Variants in MZT2B observed in about 807,000 individuals in gnomAD.
MZT2B encodes mitotic spindle organizing protein 2B, also known as mitotic-spindle organizing protein 2B.
MZT2B carries 11 observed loss-of-function variants against 12.1 expected under a neutral mutation model. The ratio of observed to expected loss-of-function variants is 0.91; its 90% CI spans 0.57 to 1.50. MZT2B has a LOEUF of 1.50. Ranked by LOEUF, MZT2B falls within the 40% of genes most tolerant of loss-of-function variation. MZT2B has a pLI of 0.00. For missense variants in MZT2B, 209 were observed against 227.7 expected (o/e 0.92, Z 0.53); for synonymous variants, 85 against 109.5 (o/e 0.78, Z 1.40).
intron 2 of MZT2B, chr2:130,183,102 G>C: frequency 2.1e-6 from 1 of 482,572 alleles, no homozygotes; most frequent in Non-Finnish European, 3.7e-6. Flanking sequence ...GGGCGCCCTG[G>C]CTCACGCCTA....
chr2:130,204,271 G>A, the MZT2B span: 1 of 574,072 alleles, frequency 1.7e-6, no homozygotes, highest in Non-Finnish European at 3.0e-6. Context: ...GGAGCTCAAT[G>A]AGCTCATGGC....
At chr2:130,184,120 G>A (rs1689953751) in intron 2 of MZT2B, 1 of 1,522,698 alleles carries the variant, frequency 6.6e-7, no homozygotes, top group Non-Finnish European at 8.8e-7. Flanking sequence ...CACGATTTCT[G>A]ACTCGGTTTA....
chr2:130,183,745 T>G, intron 2 of MZT2B: 1 of 1,550,372 alleles, frequency 6.5e-7, no homozygotes, highest in Non-Finnish European at 8.7e-7. Flanking sequence ...TTCACTGACC[T>G]TCGCTCTGTC....
At chr2:130,201,594 G>A in the MZT2B span, among the ~76,000 whole-genome samples, 5 of 152,132 alleles carry the variant, frequency 3.3e-5, no homozygotes, top group African/African-American at 1.2e-4. Context: ...TGGCGGGGGG[G>A]GACACCATTC....
intron 2 of MZT2B, among the ~76,000 whole-genome samples, chr2:130,190,258 G>T (rs1216822866): frequency 1.3e-5 from 2 of 152,196 alleles, no homozygotes; most frequent in African/African-American, 4.8e-5. Context: ...ACATCCAAAA[G>T]GGTCCCCTGC....
In MZT2B at chr2:130,190,401, C is replaced by T. The variant is rs551309401; in HGVS notation, c.320-68C>T. ...AGACACAAATGTTGCCCAAGGACCA[C>T]GAGTACAGCAGGTGCTGCAGTTACG... is the stretch of plus-strand genomic sequence containing the variant. On this transcript the variant is annotated intron_variant, in intron 2 of 2. Coordinates refer to ENST00000281871, the MANE Select transcript of MZT2B (RefSeq NM_025029.5). 2.5e-4 allele frequency: 400 copies of T among 1,588,166 alleles called. 1 individual carries two copies. Among genetic ancestry groups the T allele is most frequent in the Non-Finnish European group, 3.2e-4 (376 of 1,160,820 alleles).
At chr2:130,184,801 C>G in intron 2 of MZT2B, 17 of 985,418 alleles carry the variant, frequency 1.7e-5, no homozygotes, top group Non-Finnish European at 2.0e-5. Context: ...CCAGGCCTAG[C>G]TCTCAGGGCA....
At chr2:130,190,900 G>A (rs1690244371), downstream of MZT2B, among the ~76,000 whole-genome samples, 1 of 152,080 alleles carries the variant, frequency 6.6e-6, no homozygotes, top group South Asian at 2.1e-4. Flanking sequence ...GGATTGCCAG[G>A]TCTTTTATAA....
chr2:130,187,740 A>G (rs191889656), intron 2 of MZT2B, among the ~76,000 whole-genome samples: 3 of 152,298 alleles, frequency 2.0e-5, no homozygotes, highest in Admixed American at 6.5e-5. Flanking sequence ...CATCCTTCAT[A>G]AAGTGAGGAG....
chr2:130,194,302 G>C (rs767848746), downstream of MZT2B: 1 of 1,612,010 alleles, frequency 6.2e-7, no homozygotes, highest in Non-Finnish European at 8.5e-7. Context: ...GCTCCACCAC[G>C]GCTGTGGAGA....
chr2:130,192,212 C>T (rs1284933185), downstream of MZT2B: 5 of 1,523,974 alleles, frequency 3.3e-6, no homozygotes, highest in Non-Finnish European at 4.4e-6. Flanking sequence ...CAGAAGACAC[C>T]CTGTAGGTGA....
the MZT2B span, among the ~76,000 whole-genome samples, chr2:130,204,779 C>T: frequency 6.6e-6 from 1 of 151,448 alleles, no homozygotes. Flanking sequence ...CTTAATAAAA[C>T]ATCTTTGAAA....
At chr2:130,195,043 G>A (rs1316444627), downstream of MZT2B, 5 of 1,609,348 alleles carry the variant, frequency 3.1e-6, no homozygotes, top group African/African-American at 6.7e-5. Flanking sequence ...CCCCTCCCAT[G>A]CAAGACAATG....
In MZT2B at chr2:130,182,579, C is replaced by T. The variant is rs370915410; in HGVS notation, c.171-48C>T. 2.2e-4 allele frequency: 343 copies of T among 1,561,962 alleles called. No homozygotes were observed. In the African/African-American group the frequency reaches 4.3e-3, roughly 20 times the overall value. On this transcript the variant is annotated intron_variant, in intron 1 of 2. Coordinates refer to ENST00000281871, the MANE Select transcript of MZT2B (RefSeq NM_025029.5). ...CCTTGTCGGGTCTTCAGGGAGGTGG[C>T]CGCGCCGGGCGGAGAGGGCTCACCG...
the MZT2B span, among the ~76,000 whole-genome samples, chr2:130,200,127 C>T: frequency 2.6e-5 from 4 of 151,050 alleles, no homozygotes; most frequent in Admixed American, 2.6e-4. Context: ...CGTGGTGGCT[C>T]ACGCCTGTAA....
intron 2 of MZT2B, chr2:130,183,178 C>T (rs1341631912): frequency 6.2e-6 from 2 of 321,418 alleles, no homozygotes; most frequent in Non-Finnish European, 1.2e-5. Context: ...CTCTGGGTGA[C>T]AGGGTGAGAT....
At chr2:130,202,321 A>G in the MZT2B span, 2 of 1,289,270 alleles carry the variant, frequency 1.6e-6, no homozygotes, top group South Asian at 1.2e-5. Flanking sequence ...TCATATTCAA[A>G]CAGGCTTGAG....
At chr2:130,187,079 G>C (rs113906323) in intron 2 of MZT2B, among the ~76,000 whole-genome samples, 52,399 of 147,054 alleles carry the variant, frequency 0.36, 9,935 homozygotes, top group East Asian at 0.45. Flanking sequence ...AAAAAGAACA[G>C]AGGTGAATGC....
chr2:130,191,845 C>T (rs1319030791), downstream of MZT2B: 4 of 1,604,510 alleles, frequency 2.5e-6, no homozygotes, highest in Middle Eastern at 3.3e-4. Context: ...TATGCTTCGC[C>T]TTCTTCAGCC....
Sources: allele counts gnomAD v4.1 joint callset (sites outside exome capture counted in the v4.1 genomes callset), GRCh38; gene constraint gnomAD v4.1.1; transcripts MANE v1.5; gene names NCBI Gene and HGNC (gene_info 2026-07-23, HGNC 2026-07-21).